The following FRAS1 variants were observed in gnomAD, a reference collection of about 807,000 sequenced individuals.
FRAS1 encodes Fraser extracellular matrix complex subunit 1.
FRAS1 carries 290 observed loss-of-function variants against 435.2 expected under a neutral mutation model. The observed-to-expected ratio is 0.67, with a 90% CI of 0.61 to 0.73. The LOEUF is 0.73. Ranked by LOEUF, FRAS1 falls within the 30% of genes least tolerant of loss-of-function variation. The pLI is 0.00. For missense variants in FRAS1, 4,860 were observed against 5,001.5 expected, an observed-to-expected ratio of 0.97 and a Z score of 0.85; for synonymous variants, 1,800 against 1,851.0, an observed-to-expected ratio of 0.97 and a Z score of 0.71.
intron 19 of FRAS1, among the ~76,000 whole-genome samples, chr4:78,334,495 C>T (rs953939467): frequency 6.6e-6 from 1 of 151,318 alleles, no homozygotes; most frequent in African/African-American, 2.4e-5. Context: ...CTCAGCCTCC[C>T]GAGTAGCTGG....
Position 78,511,325 on chromosome 4 carries a change from A to G in FRAS1, c.9832A>G (p.Lys3278Glu). 1 of 1,612,774 alleles carries G rather than the reference A, an allele frequency of 6.2e-7. No individual in the cohort carries two copies. Among genetic ancestry groups the G allele is most frequent in the Non-Finnish European group, 8.5e-7 (1 of 1,179,000 alleles). ...SRRFHVRCVA[K>E]AVDKVGHVGT... is the part of the protein sequence containing the mutation. ...GAGGTTCCATGTGCGTTGTGTGGCC[A>G]AGGCTGTGGACAAGGTGGGCCATGT... The change falls in exon 64 of 74, where the codon AAG (lysine) becomes GAG (glutamate). Residue 3278 changes from lysine (K) to glutamate (E), a missense_variant. By Grantham distance (56) the Lys-to-Glu change is moderately conservative (BLOSUM62 1). Coordinates refer to ENST00000512123, the MANE Select transcript of FRAS1 (RefSeq NM_025074.7).
At chr4:78,393,105 T>A (rs1480574978) in intron 29 of FRAS1, among the ~76,000 whole-genome samples, 1 of 151,708 alleles carries the variant, frequency 6.6e-6, no homozygotes, top group Non-Finnish European at 1.5e-5. Context: ...AGTTTGAGGA[T>A]AAGTATATAG....
intron 31 of FRAS1, among the ~76,000 whole-genome samples, chr4:78,408,960 A>T (rs1733210540): frequency 6.6e-6 from 1 of 151,818 alleles, no homozygotes; most frequent in Non-Finnish European, 1.5e-5. Flanking sequence ...CCTGTCTCGC[A>T]AAAAATACAA....
chr4:78,489,913 A>G (rs1295135981), intron 59 of FRAS1, among the ~76,000 whole-genome samples: 1 of 148,560 alleles, frequency 6.7e-6, no homozygotes, highest in Non-Finnish European at 1.5e-5. Context: ...TTGACAATGT[A>G]CATGAAATCT....
intron 2 of FRAS1, among the ~76,000 whole-genome samples, chr4:78,207,951 G>A (rs1280297695): frequency 3.9e-5 from 6 of 152,090 alleles, no homozygotes; most frequent in Admixed American, 3.9e-4. Flanking sequence ...GTGGAGACTC[G>A]CATTGTGAAC....
rs766615684 is a variant in FRAS1 at position 78,452,294 on chromosome 4, T to C, written c.6703T>C (p.Leu2235=). The change falls in exon 47 of 74, where the codon TTG becomes CTG. Residue 2235 remains leucine, a synonymous_variant. Transcript: ENST00000512123. ...TGACCAGGACAGTGGGCCTACAGAATTGATCTACAGAATCACCAGACAGCC... is the reference window on the plus strand; with the variant it reads ...TGACCAGGACAGTGGGCCTACAGAACTGATCTACAGAATCACCAGACAGCC... The part of the protein sequence containing the change: ...ATDQDSGPTE[L]IYRITRQPQL... 1.2e-6 allele frequency: 2 copies of C among 1,613,238 alleles called. No individual in the cohort carries two copies. The highest frequency in any genetic ancestry group is 2.2e-5 in the East Asian group (1 of 44,866).
intron 2 of FRAS1, chr4:78,070,620 G>C (rs1332591297): frequency 6.6e-6 from 1 of 152,130 alleles, no homozygotes. Context: ...GTTAAATCAG[G>C]AATCCATCAG....
chr4:78,378,990 T>C (rs542124275), intron 26 of FRAS1, among the ~76,000 whole-genome samples: 6 of 152,290 alleles, frequency 3.9e-5, no homozygotes, highest in South Asian at 2.1e-4. Flanking sequence ...AAGAGTTTTA[T>C]AGTTTAACGA....
rs1560662200 is a variant in FRAS1, at chr4:78,333,308, G to T, written c.2174G>T (p.Ser725Ile). The change falls in exon 19 of 74, where the codon AGC becomes ATC. Residue 725 changes from serine (S) to isoleucine (I), a missense_variant. Ser to Ile is a moderately radical substitution (Grantham distance 142). Transcript: ENST00000512123. ...HQSCFRCAGK[S>I]PHNCTDCGPS... ...TCCTGTTTCAGATGTGCAGGGAAAA[G>T]CCCACATAACTGCACAGACTGTGGG... The T allele has an allele frequency of 2.5e-6, 4 of 1,611,650 alleles. No individual in the cohort carries two copies. The highest frequency in any genetic ancestry group is 2.5e-6 in the Non-Finnish European group (3 of 1,178,894).
chr4:78,062,892 T>G (rs1466645002), intron 1 of FRAS1, among the ~76,000 whole-genome samples: 1 of 152,136 alleles, frequency 6.6e-6, no homozygotes, highest in Non-Finnish European at 1.5e-5. Flanking sequence ...AGAACTTAAA[T>G]TACCTGGCAT....
intron 2 of FRAS1, among the ~76,000 whole-genome samples, chr4:78,125,077 T>C (rs925350863): frequency 2.0e-5 from 3 of 152,220 alleles, no homozygotes; most frequent in Admixed American, 6.5e-5. Context: ...TTAATTGTGA[T>C]GTTAGTGTGT....
intron 2 of FRAS1, among the ~76,000 whole-genome samples, chr4:78,169,469 T>G (rs1230964451): frequency 1.3e-5 from 2 of 152,010 alleles, no homozygotes; most frequent in African/African-American, 4.8e-5. Context: ...AGATGCCACT[T>G]CTCAAATGGA....
chr4:78,108,797 C>T (rs1742530638), intron 2 of FRAS1, among the ~76,000 whole-genome samples: 1 of 117,652 alleles, frequency 8.5e-6, no homozygotes, highest in South Asian at 2.7e-4. Flanking sequence ...TTCAAAAAAT[C>T]AATGAATCCA....
At chr4:78,524,267 T>C (rs559743693) in intron 69 of FRAS1, among the ~76,000 whole-genome samples, 5 of 152,172 alleles carry the variant, frequency 3.3e-5, no homozygotes, top group Non-Finnish European at 5.9e-5. Context: ...AGCAAGTATC[T>C]TTTAGGAGCT....
chr4:78,338,131 A>G (rs922717792), intron 20 of FRAS1: 12 of 245,780 alleles, frequency 4.9e-5, no homozygotes, highest in Middle Eastern at 3.1e-3. Flanking sequence ...GTGTTCTGAA[A>G]ATAAGTCACT....
intron 2 of FRAS1, among the ~76,000 whole-genome samples, chr4:78,165,233 A>G (rs1156889862): frequency 6.6e-6 from 1 of 152,208 alleles, no homozygotes; most frequent in Non-Finnish European, 1.5e-5. Context: ...TCTTTCATGT[A>G]GTAGGACACC....
intron 6 of FRAS1, among the ~76,000 whole-genome samples, chr4:78,264,542 G>T (rs1726260937): frequency 6.6e-6 from 1 of 152,148 alleles, no homozygotes; most frequent in Admixed American, 6.5e-5. Flanking sequence ...TGAGTTTCAG[G>T]ATGATTCAGC....
intron 29 of FRAS1, among the ~76,000 whole-genome samples, chr4:78,395,517 T>C (rs1732622185): frequency 6.6e-6 from 1 of 152,028 alleles, no homozygotes; most frequent in Non-Finnish European, 1.5e-5. Context: ...TCTGTTAACA[T>C]TTGCTTGATG....
intron 4 of FRAS1, among the ~76,000 whole-genome samples, chr4:78,251,053 T>C (rs949857593): frequency 2.6e-5 from 4 of 152,250 alleles, no homozygotes; most frequent in African/African-American, 9.6e-5. Flanking sequence ...GATGTGTTTT[T>C]GGCAGATTTA....
Sources: gnomAD v4.1 joint callset for allele counts (sites outside exome capture counted in the v4.1 genomes callset) on GRCh38, gnomAD v4.1.1 for gene constraint, MANE v1.5 for transcripts, NCBI Gene and HGNC (gene_info 2026-07-23, HGNC 2026-07-21) for gene names.